PLXNA4: variants seen among roughly 807,000 people sequenced by gnomAD.
The protein encoded by PLXNA4 is plexin-A4.
PLXNA4 carries 44 observed loss-of-function variants against 191.8 expected under a neutral mutation model. The ratio of observed to expected loss-of-function variants is 0.23; its 90% CI spans 0.18 to 0.29. PLXNA4 has a LOEUF of 0.29. PLXNA4 is among the 10% of genes least tolerant of loss of function. The pLI is 1.00. For synonymous variants in PLXNA4, 1,082 were observed against 1,009.5 expected (o/e 1.07, Z -1.36); for missense variants, 1,800 against 2,488.8 (o/e 0.72, Z 5.89).
At chr7:132,645,110 C>T (rs1469596023) in intron 2 of PLXNA4, among the ~76,000 whole-genome samples, 2 of 152,208 alleles carry the variant, frequency 1.3e-5, no homozygotes, top group Admixed American at 6.5e-5. Flanking sequence ...CTGTTACTAA[C>T]GATGCCCATT....
intron 4 of PLXNA4, among the ~76,000 whole-genome samples, chr7:132,276,842 A>G (rs1800299225): frequency 6.6e-6 from 1 of 152,134 alleles, no homozygotes; most frequent in Admixed American, 6.5e-5. Flanking sequence ...GCTGCTTCTG[A>G]AATGAGTCCT....
rs1223321778 is a variant in PLXNA4, at chr7:132,508,722, G to A, written c.-29C>T. 1.1e-5 allele frequency: 16 copies of A among 1,474,846 alleles called. No individual in the cohort carries two copies. Among genetic ancestry groups the A allele is most frequent in the Non-Finnish European group, 1.3e-5 (15 of 1,115,790 alleles). The allele number at this position is 1,474,846 out of a possible 1,614,324, so 91.4% of individuals were successfully genotyped here. A position where few individuals can be genotyped will look rare whatever the true frequency, so the allele number is the denominator to read the frequency against. Reference sequence around the variant, plus strand: ...AGAGGCGGGTCCCAGTGGCACAGCAGCACTCAGGCACAGTCGTCCCCTCAG... The same window carrying A: ...AGAGGCGGGTCCCAGTGGCACAGCAACACTCAGGCACAGTCGTCCCCTCAG... On this transcript the variant is annotated 5_prime_UTR_variant, in exon 2 of 32. Coordinates refer to ENST00000321063, the MANE Select transcript of PLXNA4 (RefSeq NM_020911.2). The surrounding 1 kb of genome is among the most constrained non-coding windows in gnomAD (Gnocchi z 4.4).
intron 1 of PLXNA4, among the ~76,000 whole-genome samples, chr7:132,536,965 T>C (rs1234693051): frequency 1.3e-5 from 2 of 152,210 alleles, no homozygotes; most frequent in Non-Finnish European, 2.9e-5. Flanking sequence ...GCTAAGCTGA[T>C]CTTCCTCCCA....
In PLXNA4 at chr7:132,515,916, T is replaced by C. The variant is rs188110436; in HGVS notation, c.-86-7137A>G. On this transcript the variant is annotated intron_variant, in intron 1 of 31. Coordinates refer to ENST00000321063, the MANE Select transcript of PLXNA4 (RefSeq NM_020911.2). ...GATGCTGTCTCCTAGCATAAAAATATGAGCTCCTTGAGGACAAGGATTATA... is the reference window on the plus strand; with the variant it reads ...GATGCTGTCTCCTAGCATAAAAATACGAGCTCCTTGAGGACAAGGATTATA... Among the ~76,000 whole-genome samples, 219 of 152,350 alleles carry C rather than the reference T, an allele frequency of 1.4e-3. 1 individual carries two copies. Among genetic ancestry groups the C allele is most frequent in the African/African-American group, 4.7e-3 (195 of 41,584 alleles).
At chr7:132,208,987 T>C (rs1214063037) in intron 10 of PLXNA4, among the ~76,000 whole-genome samples, 1 of 152,222 alleles carries the variant, frequency 6.6e-6, no homozygotes, top group Non-Finnish European at 1.5e-5. Context: ...TGGGAAATGC[T>C]GAGGACATTT....
chr7:132,178,716 AC>A (rs1796563273), intron 20 of PLXNA4, among the ~76,000 whole-genome samples: 1 of 112,508 alleles, frequency 8.9e-6, no homozygotes, highest in Non-Finnish European at 1.7e-5. Context: ...ATACACATAC[AC>A]ACACACACAC....
At chr7:132,187,356 T>C in intron 15 of PLXNA4, 115 bp downstream of exon 15, 3 of 1,477,190 alleles carry the variant, frequency 2.0e-6, no homozygotes, top group Non-Finnish European at 9.0e-7. Context: ...AAGAAGAACC[T>C]GTCAGGTGGT....
intron 2 of PLXNA4, among the ~76,000 whole-genome samples, chr7:132,604,264 A>G (rs988593983): frequency 3.3e-5 from 5 of 152,176 alleles, no homozygotes; most frequent in African/African-American, 1.2e-4. Flanking sequence ...AACTCCCACT[A>G]GCTCAGGAGC....
rs749109531 is a variant in PLXNA4, at chr7:132,159,507, G to A, written c.4626C>T (p.Cys1542=). The change falls in exon 25 of 32, where the codon TGC becomes TGT. Residue 1542 remains cysteine, a synonymous_variant. Coordinates refer to ENST00000321063, the MANE Select transcript of PLXNA4 (RefSeq NM_020911.2). ...TATCTGCAGCTTTGGGCCGGTGGGA[G>A]CAAGGCACATTCTTGAAGATGGCAT... ...ILDAIFKNVP[C]SHRPKAADMD... is the part of the protein sequence containing the mutation. 2 of 1,614,206 alleles carry A rather than the reference G, an allele frequency of 1.2e-6. No homozygotes were observed. The highest frequency in any genetic ancestry group is 1.1e-5 in the South Asian group (1 of 91,076).
chr7:132,322,622 C>G (rs1802217006), intron 3 of PLXNA4, among the ~76,000 whole-genome samples: 1 of 152,222 alleles, frequency 6.6e-6, no homozygotes, highest in East Asian at 1.9e-4. Flanking sequence ...CAGGACCATT[C>G]TCTAGTTTCA....
intron 2 of PLXNA4, among the ~76,000 whole-genome samples, chr7:132,496,677 G>A (rs1798025517): frequency 6.6e-6 from 1 of 152,158 alleles, no homozygotes; most frequent in Non-Finnish European, 1.5e-5. Flanking sequence ...TGAGATTATA[G>A]GCATGAGCTA....
intron 9 of PLXNA4, among the ~76,000 whole-genome samples, chr7:132,216,152 C>T (rs1177004139): frequency 6.6e-6 from 1 of 152,154 alleles, no homozygotes; most frequent in Non-Finnish European, 1.5e-5. Flanking sequence ...CTAGGCTACC[C>T]AAGTGGTTTC....
intron 3 of PLXNA4, among the ~76,000 whole-genome samples, chr7:132,392,824 C>T (rs1358884842): frequency 1.3e-5 from 2 of 152,160 alleles, no homozygotes; most frequent in Non-Finnish European, 1.5e-5. Context: ...TAGACACAGA[C>T]ACTGGAGTCC....
chr7:132,570,040 T>C lies in PLXNA4; in HGVS notation c.-87+6382A>G, dbSNP rs567835931. Among the ~76,000 whole-genome samples, 9 of 152,324 alleles carry C rather than the reference T, an allele frequency of 5.9e-5. No homozygotes were observed. In the South Asian group the frequency reaches 1.9e-3, roughly 32 times the overall value. On this transcript the variant is annotated intron_variant, in intron 1 of 31. Transcript: ENST00000321063. ...TGGATTCCAGGTCCACTACACAGTTTATATACTTTTGTGATTTCACAATCC... is the reference window on the plus strand; with the variant it reads ...TGGATTCCAGGTCCACTACACAGTTCATATACTTTTGTGATTTCACAATCC...
In PLXNA4 at chr7:132,627,318, CA is replaced by C. The variant is rs1418382695; in HGVS notation, c.-87+18609del. ...AAGATGAAGGTTTAGATCTTTTACACACACACACTTTTCCTGTCTTCATTCT... is the reference window on the plus strand; with the variant it reads ...AAGATGAAGGTTTAGATCTTTTACACCACACACTTTTCCTGTCTTCATTCT... On this transcript the variant is annotated intron_variant, in intron 2 of 4. Coordinates refer to the PLXNA4 transcript ENST00000378539. 2.0e-5 allele frequency among the ~76,000 whole-genome samples: 3 copies of C among 152,286 alleles called. No homozygotes were observed. The East Asian group carries it at 5.8e-4, about 29-fold the overall frequency.
intron 13 of PLXNA4, among the ~76,000 whole-genome samples, chr7:132,195,858 T>C (rs1584827366): frequency 1.3e-5 from 2 of 152,358 alleles, no homozygotes; most frequent in African/African-American, 4.8e-5. Context: ...TTCCAATGTC[T>C]TTTGCCACAC....
At chr7:132,384,160 C>T in intron 3 of PLXNA4, 1 of 985,438 alleles carries the variant, frequency 1.0e-6, no homozygotes, top group Non-Finnish European at 1.2e-6. Flanking sequence ...GGCCAGGAAC[C>T]TGTGGCACAC....
At chr7:132,235,302 A>C (rs1022539038) in intron 5 of PLXNA4, among the ~76,000 whole-genome samples, 4 of 152,226 alleles carry the variant, frequency 2.6e-5, no homozygotes, top group African/African-American at 9.6e-5. Context: ...TAATTTTCAT[A>C]GCATGGCTAT....
intron 1 of PLXNA4, among the ~76,000 whole-genome samples, chr7:132,546,896 C>G (rs993501224): frequency 2.0e-5 from 3 of 152,084 alleles, no homozygotes; most frequent in African/African-American, 7.2e-5. Flanking sequence ...TGGGTCCAAC[C>G]CATGAGATTC....
Sources: gnomAD v4.1 joint callset for allele counts (sites outside exome capture counted in the v4.1 genomes callset) on GRCh38, gnomAD v4.1.1 for gene constraint, Gnocchi (gnomAD v3.1) non-coding constraint, MANE v1.5 for transcripts, NCBI Gene and HGNC (gene_info 2026-07-23, HGNC 2026-07-21) for gene names.